Variants in DAB1 observed in about 807,000 individuals in gnomAD.
DAB1 encodes disabled homolog 1.
In DAB1, 15 loss-of-function variants were observed where a neutral mutation model predicts 64.6. The observed-to-expected ratio is 0.23, with a 90% CI of 0.16 to 0.36. DAB1 has a LOEUF of 0.36. Ranked by LOEUF, DAB1 falls within the 10% of genes least tolerant of loss-of-function variation. The pLI is 1.00. For missense variants in DAB1, 596 were observed against 706.7 expected, an observed-to-expected ratio of 0.84 and a Z score of 1.78; for synonymous variants, 235 against 251.9, an observed-to-expected ratio of 0.93 and a Z score of 0.64.
intron 14 of DAB1, among the ~76,000 whole-genome samples, chr1:56,999,740 G>A (rs1323088321): frequency 6.6e-6 from 1 of 152,170 alleles, no homozygotes; most frequent in Admixed American, 6.5e-5. Flanking sequence ...GGGTTACTTA[G>A]TATCCATGCC....
intron 2 of DAB1, among the ~76,000 whole-genome samples, chr1:57,209,910 G>A (rs1665869651): frequency 6.6e-6 from 1 of 152,110 alleles, no homozygotes; most frequent in Admixed American, 6.6e-5. Context: ...CACAGGCAAA[G>A]GTATTTATAT....
chr1:57,947,865 G>C (rs1396004448), intron 5 of DAB1, among the ~76,000 whole-genome samples: 1 of 152,198 alleles, frequency 6.6e-6, no homozygotes, highest in African/African-American at 2.4e-5. Context: ...AACAGGGGCA[G>C]AGATCACAAT....
At chr1:57,190,304 A>G (rs1664011874) in intron 2 of DAB1, among the ~76,000 whole-genome samples, 1 of 152,218 alleles carries the variant, frequency 6.6e-6, no homozygotes, top group African/African-American at 2.4e-5. Flanking sequence ...AGAAGCCAGC[A>G]TCAGCTGTAA....
chr1:58,509,424 A>T (rs897098398), intron 2 of DAB1, among the ~76,000 whole-genome samples: 1 of 151,632 alleles, frequency 6.6e-6, no homozygotes, highest in African/African-American at 2.4e-5. Context: ...AAAAAAAACC[A>T]AAAAGAAAAT....
intron 6 of DAB1, among the ~76,000 whole-genome samples, chr1:57,793,998 T>C (rs1650723157): frequency 6.6e-6 from 1 of 152,170 alleles, no homozygotes; most frequent in African/African-American, 2.4e-5. Context: ...ACAGCTTATA[T>C]TTTGGCTGCT....
chr1:58,296,253 GA>G (rs1220523586), intron 4 of DAB1, among the ~76,000 whole-genome samples: 2 of 141,066 alleles, frequency 1.4e-5, no homozygotes, highest in African/African-American at 5.4e-5. Context: ...AAGAAAGAAA[GA>G]AAGAAAGAAA....
chr1:58,441,967 G>A (rs991803829), intron 3 of DAB1, among the ~76,000 whole-genome samples: 1 of 152,180 alleles, frequency 6.6e-6, no homozygotes, highest in African/African-American at 2.4e-5. Flanking sequence ...CTGAGGGATG[G>A]TTGGGAGGCC....
intron 3 of DAB1, among the ~76,000 whole-genome samples, chr1:57,143,517 C>G (rs542592502): frequency 6.6e-6 from 1 of 151,900 alleles, no homozygotes; most frequent in African/African-American, 2.4e-5. Flanking sequence ...ATGCCTTTTT[C>G]TAGTATACTT....
chr1:58,206,309 T>C (rs1658280270), intron 4 of DAB1, among the ~76,000 whole-genome samples: 1 of 152,216 alleles, frequency 6.6e-6, no homozygotes, highest in Non-Finnish European at 1.5e-5. Context: ...AGATATGCAT[T>C]TATCTCAGTG....
intron 5 of DAB1, among the ~76,000 whole-genome samples, chr1:58,035,451 C>T (rs1475455308): frequency 1.3e-5 from 2 of 152,240 alleles, no homozygotes; most frequent in Non-Finnish European, 2.9e-5. Context: ...CTAGGCTTTT[C>T]ACCTGTACTC....
intron 5 of DAB1, chr1:58,048,128 CCTGTCACTTCT>C: frequency 3.6e-6 from 4 of 1,098,428 alleles, no homozygotes; most frequent in Non-Finnish European, 5.5e-6. Flanking sequence ...CTATAGCTTC[CCTGTCACTTCT>C]CTGGCTCTTC....
intron 1 of DAB1, among the ~76,000 whole-genome samples, chr1:57,351,901 T>C (rs1678619285): frequency 1.3e-5 from 2 of 152,180 alleles, no homozygotes; most frequent in South Asian, 4.1e-4. Context: ...GCATGTAAAA[T>C]GTGGTGTGTT....
intron 5 of DAB1, among the ~76,000 whole-genome samples, chr1:57,909,342 C>G (rs1644605769): frequency 6.6e-6 from 1 of 152,124 alleles, no homozygotes. Context: ...TTATATCATC[C>G]TTTATGGTGA....
chr1:58,481,208 A>C (rs752050485), intron 3 of DAB1: 8 of 695,466 alleles, frequency 1.2e-5, no homozygotes, highest in Non-Finnish European at 1.5e-5. Flanking sequence ...AAAATACTAT[A>C]TATATACATC....
chr1:57,195,561 C>T (rs608346), intron 2 of DAB1, among the ~76,000 whole-genome samples: 20,678 of 152,200 alleles, frequency 0.14, 2,599 homozygotes, highest in African/African-American at 0.3. Flanking sequence ...TACTGAGATG[C>T]TGCAGCTGAG....
intron 6 of DAB1, among the ~76,000 whole-genome samples, chr1:57,766,971 G>A (rs759667300): frequency 1.3e-5 from 2 of 152,166 alleles, no homozygotes; most frequent in Non-Finnish European, 2.9e-5. Context: ...AAATGGAAGA[G>A]ATGCATAGAA....
At chr1:58,517,648 T>G (rs949152420) in intron 2 of DAB1, among the ~76,000 whole-genome samples, 4 of 152,192 alleles carry the variant, frequency 2.6e-5, no homozygotes, top group African/African-American at 9.7e-5. Context: ...TTTCTGTCTC[T>G]TGAATTCTAA....
At chr1:58,057,559 A>T (rs1453922574) in intron 5 of DAB1, among the ~76,000 whole-genome samples, 11 of 152,196 alleles carry the variant, frequency 7.2e-5, no homozygotes, top group Non-Finnish European at 2.9e-5. Context: ...ACAGGGGCAG[A>T]AACTGGAGCA....
intron 4 of DAB1, among the ~76,000 whole-genome samples, chr1:58,178,785 G>A (rs1044200525): frequency 1.3e-5 from 2 of 152,252 alleles, no homozygotes; most frequent in East Asian, 1.9e-4. Flanking sequence ...TTTGTGGGCT[G>A]TACACAAACT....
Sources: allele counts gnomAD v4.1 joint callset (sites outside exome capture counted in the v4.1 genomes callset), GRCh38; gene constraint gnomAD v4.1.1; transcripts MANE v1.5; gene names NCBI Gene and HGNC (gene_info 2026-07-23, HGNC 2026-07-21).